Variants in ST3GAL3 observed in about 807,000 individuals in gnomAD.
The protein encoded by ST3GAL3 is ST3 beta-galactoside alpha-2,3-sialyltransferase 3, also known as CMP-N-acetylneuraminate-beta-1,4-galactoside alpha-2,3-sialyltransferase.
Under a neutral mutation model 50.1 loss-of-function variants are expected in ST3GAL3, and 21 were observed. The ratio of observed to expected loss-of-function variants is 0.42; its 90% CI spans 0.30 to 0.60. ST3GAL3 has a LOEUF of 0.60. Among genes scored for constraint, ST3GAL3 ranks in the 20% least tolerant of loss-of-function variants. ST3GAL3 has a pLI of 0.19. For synonymous variants in ST3GAL3, 183 were observed against 190.0 expected, an observed-to-expected ratio of 0.96 and a Z score of 0.30; for missense variants, 353 against 489.4, an observed-to-expected ratio of 0.72 and a Z score of 2.63.
At chr1:43,922,281 C>G (rs1198541645) in intron 11 of ST3GAL3, 1 of 152,186 alleles carries the variant, frequency 6.6e-6, no homozygotes, top group Non-Finnish European at 1.5e-5. Context: ...GTGGGCGGAT[C>G]CCCCGAGGTC....
At chr1:43,889,506 C>T (rs2076418673) in intron 5 of ST3GAL3, among the ~76,000 whole-genome samples, 2 of 152,162 alleles carry the variant, frequency 1.3e-5, no homozygotes, top group African/African-American at 4.8e-5. Flanking sequence ...TTAAACTCAG[C>T]AGAATTATTT....
chr1:43,914,085 G>A (rs1350694404), intron 9 of ST3GAL3: 1 of 152,246 alleles, frequency 6.6e-6, no homozygotes, highest in Non-Finnish European at 1.5e-5. Context: ...GAGAAGAGAC[G>A]TGGCAGCTTT....
intron 2 of ST3GAL3, among the ~76,000 whole-genome samples, chr1:43,745,302 A>G (rs574740844): frequency 6.6e-6 from 1 of 152,256 alleles, no homozygotes; most frequent in Non-Finnish European, 1.5e-5. Context: ...GGATGGGTAA[A>G]TGTAATTTTA....
chr1:43,851,859 G>C (rs2067376883), intron 5 of ST3GAL3, among the ~76,000 whole-genome samples: 2 of 152,184 alleles, frequency 1.3e-5, no homozygotes, highest in Non-Finnish European at 2.9e-5. Flanking sequence ...CCACGCACCA[G>C]CAACGTGACT....
intron 5 of ST3GAL3, among the ~76,000 whole-genome samples, chr1:43,874,738 G>A (rs2073738381): frequency 6.6e-6 from 1 of 152,208 alleles, no homozygotes; most frequent in Non-Finnish European, 1.5e-5. Context: ...ATGCACGCAA[G>A]TAGTGATACG....
chr1:43,731,534 G>A lies in ST3GAL3; in HGVS notation c.-30-4699G>A, dbSNP rs1675837857. 3.4e-5 allele frequency among the ~76,000 whole-genome samples: 5 copies of A among 149,114 alleles called. No individual in the cohort carries two copies. The South Asian group carries it at 1.1e-3, about 32-fold the overall frequency. ...CGAGTAGCTGGGGCTACAGGCGCCCGCCACCATGCCCGGCTAATTTTAATT... is the reference window on the plus strand; with the variant it reads ...CGAGTAGCTGGGGCTACAGGCGCCCACCACCATGCCCGGCTAATTTTAATT... On this transcript the variant is annotated intron_variant, in intron 1 of 11. Transcript: ENST00000347631.
chr1:43,793,689 G>T (rs538852457), intron 3 of ST3GAL3, among the ~76,000 whole-genome samples: 1 of 152,168 alleles, frequency 6.6e-6, no homozygotes, highest in Non-Finnish European at 1.5e-5. Flanking sequence ...GTTCTTAAAT[G>T]GATCCAAAAC....
chr1:43,753,056 C>T (rs1218477111), intron 2 of ST3GAL3, among the ~76,000 whole-genome samples: 1 of 152,152 alleles, frequency 6.6e-6, no homozygotes, highest in Admixed American at 6.5e-5. Context: ...AAGGTTATAA[C>T]TAAACAATTT....
At chr1:43,843,020 C>T (rs561231406) in intron 5 of ST3GAL3, among the ~76,000 whole-genome samples, 6 of 152,262 alleles carry the variant, frequency 3.9e-5, no homozygotes, top group South Asian at 2.1e-4. Flanking sequence ...ACAGTCTTGT[C>T]GTCTGTTACT....
At chr1:43,786,679 A>G (rs1341896748) in intron 2 of ST3GAL3, among the ~76,000 whole-genome samples, 4 of 152,134 alleles carry the variant, frequency 2.6e-5, no homozygotes, top group Admixed American at 6.6e-5. Context: ...TCCCTGACTA[A>G]AACAAAAATT....
intron 5 of ST3GAL3, among the ~76,000 whole-genome samples, chr1:43,848,789 A>G (rs1309451171): frequency 1.3e-5 from 2 of 152,066 alleles, no homozygotes; most frequent in African/African-American, 4.8e-5. Flanking sequence ...CATGGATGCT[A>G]TATTATTTGT....
Position 43,899,196 on chromosome 1 carries a change from G to A in ST3GAL3, c.490G>A (p.Gly164Ser). 3.1e-6 allele frequency: 5 copies of A among 1,614,170 alleles called. No homozygotes were observed. The highest frequency in any genetic ancestry group is 4.2e-6 in the Non-Finnish European group (5 of 1,180,036). Residue 164 changes from glycine to serine, a missense_variant, in exon 8 of 12, where the codon GGC becomes AGC. Coordinates refer to ENST00000347631, the MANE Select transcript of ST3GAL3 (RefSeq NM_006279.5). The surrounding 1 kb of genome is among the most constrained non-coding windows in gnomAD (Gnocchi z 5.4). ...CCGCTGCCGCCGCTGCATCATCGTG[G>A]GCAATGGAGGCGTTCTTGCCAACAA... ...SLRCRRCIIV[G>S]NGGVLANKSL...
chr1:43,751,522 A>C (rs1168808727), intron 2 of ST3GAL3, among the ~76,000 whole-genome samples: 3 of 152,228 alleles, frequency 2.0e-5, no homozygotes, highest in Non-Finnish European at 4.4e-5. Context: ...CAGCCATTGA[A>C]ATGGCTAAGG....
At chr1:43,896,811 C>CT (rs1392664331) in intron 6 of ST3GAL3, 1 of 152,214 alleles carries the variant, frequency 6.6e-6, no homozygotes, top group East Asian at 1.9e-4. Context: ...TCCCAAAGTG[C>CT]TGGGATTACA....
chr1:43,920,236 C>T (rs980491274), intron 9 of ST3GAL3, 168 bp from the exon 10 acceptor site: 3 of 735,560 alleles, frequency 4.1e-6, no homozygotes, highest in African/African-American at 3.4e-5. Context: ...CCCTGTCACA[C>T]ACTCCATTTC....
At chr1:43,821,570 AG>A in intron 4 of ST3GAL3, among the ~76,000 whole-genome samples, 1 of 152,312 alleles carries the variant, frequency 6.6e-6, no homozygotes, top group African/African-American at 2.4e-5. Flanking sequence ...CAGTGACTTG[AG>A]GATAAGAAAA....
At chr1:43,842,930 A>G (rs1315676627) in intron 5 of ST3GAL3, 2 of 152,188 alleles carry the variant, frequency 1.3e-5, no homozygotes, top group Non-Finnish European at 2.9e-5. Context: ...TCAGTTGAAC[A>G]TGTATGTGTA....
Position 43,920,503 on chromosome 1 carries a change from T to G in ST3GAL3, c.844T>G (p.Phe282Val). ...CCCATATTTCATCCAGGAGGCCGCCTTCACCCTCATTGGCCTGCCCTTCAA... is the reference window on the plus strand; with the variant it reads ...CCCATATTTCATCCAGGAGGCCGCCGTCACCCTCATTGGCCTGCCCTTCAA... ...LNPYFIQEAA[F>V]TLIGLPFNNG... The change falls in exon 10 of 12, where the codon TTC (phenylalanine) becomes GTC (valine). Residue 282 changes from phenylalanine to valine, a missense_variant. Phe to Val is a conservative substitution (Grantham distance 50). Transcript: ENST00000347631. 6.2e-7 allele frequency: 1 copy of G among 1,614,174 alleles called. No homozygotes were observed.
chr1:43,912,023 C>T (rs1473883780), intron 9 of ST3GAL3: 1 of 152,156 alleles, frequency 6.6e-6, no homozygotes, highest in Non-Finnish European at 1.5e-5. Flanking sequence ...AAATTTTAGA[C>T]ACGTGATATG....
Sources: gnomAD v4.1 joint callset for allele counts (sites outside exome capture counted in the v4.1 genomes callset) on GRCh38, gnomAD v4.1.1 for gene constraint, Gnocchi (gnomAD v3.1) non-coding constraint, MANE v1.5 for transcripts, NCBI Gene and HGNC (gene_info 2026-07-23, HGNC 2026-07-21) for gene names.